CDKAL1: variants seen among roughly 807,000 people sequenced by gnomAD.
CDKAL1 encodes the protein CDKAL1 threonylcarbamoyladenosine tRNA methylthiotransferase, also known as threonylcarbamoyladenosine tRNA methylthiotransferase.
CDKAL1 carries 32 observed loss-of-function variants against 68.2 expected under a neutral mutation model. The observed-to-expected ratio is 0.47, with a 90% CI of 0.35 to 0.63. The LOEUF (loss-of-function observed/expected upper bound fraction) is 0.63. Ranked by LOEUF, CDKAL1 falls within the 30% of genes least tolerant of loss-of-function variation. The pLI, the probability that CDKAL1 is intolerant of heterozygous loss-of-function variation, is 0.00. For missense variants in CDKAL1, 606 were observed against 696.7 expected, an observed-to-expected ratio of 0.87 and a Z score of 1.47; for synonymous variants, 234 against 244.3, an observed-to-expected ratio of 0.96 and a Z score of 0.39.
At chr6:21,132,400 A>G (rs1775373970) in intron 13 of CDKAL1, among the ~76,000 whole-genome samples, 2 of 152,212 alleles carry the variant, frequency 1.3e-5, no homozygotes, top group Admixed American at 1.3e-4. Context: ...ATAAGTTAGG[A>G]AGTCAGCCCT....
At chr6:21,162,269 A>G (rs1293541389) in intron 13 of CDKAL1, among the ~76,000 whole-genome samples, 1 of 152,222 alleles carries the variant, frequency 6.6e-6, no homozygotes, top group African/African-American at 2.4e-5. Context: ...AGTTTGTAAC[A>G]TTGAACAGCC....
At chr6:20,735,492 G>A (rs1201824122) in intron 5 of CDKAL1, among the ~76,000 whole-genome samples, 1 of 152,058 alleles carries the variant, frequency 6.6e-6, no homozygotes, top group African/African-American at 2.4e-5. Flanking sequence ...TGAGGGAAAC[G>A]ACTCCTATGA....
intron 9 of CDKAL1, among the ~76,000 whole-genome samples, chr6:20,848,958 A>G (rs1308851332): frequency 6.6e-6 from 1 of 151,888 alleles, no homozygotes; most frequent in East Asian, 1.9e-4. Flanking sequence ...AAGTCTGGCT[A>G]ATTTTTAAAT....
At chr6:21,105,105 T>A (rs61645197) in intron 12 of CDKAL1, among the ~76,000 whole-genome samples, 2,280 of 152,338 alleles carry the variant, frequency 0.015, 46 homozygotes, top group African/African-American at 0.052. Flanking sequence ...TTTCTTCTGA[T>A]TGAAGTATAA....
At chr6:21,125,337 C>T (rs913592979) in intron 13 of CDKAL1, among the ~76,000 whole-genome samples, 4 of 152,110 alleles carry the variant, frequency 2.6e-5, no homozygotes, top group Non-Finnish European at 5.9e-5. Flanking sequence ...ATCATAAGTT[C>T]CCTGAGGCCT....
At chr6:20,917,137 C>T (rs577180102) in intron 9 of CDKAL1, among the ~76,000 whole-genome samples, 2 of 152,210 alleles carry the variant, frequency 1.3e-5, no homozygotes, top group Non-Finnish European at 2.9e-5. Flanking sequence ...CACATCACCA[C>T]GCCCAGCTGA....
intron 8 of CDKAL1, among the ~76,000 whole-genome samples, chr6:20,843,642 G>A (rs557003182): frequency 3.2e-4 from 49 of 152,188 alleles, no homozygotes; most frequent in African/African-American, 1.2e-3. Context: ...ACTGCATTTT[G>A]ATTGCAACCC....
At chr6:20,606,168 G>A (rs974643817) in intron 4 of CDKAL1, among the ~76,000 whole-genome samples, 5 of 152,090 alleles carry the variant, frequency 3.3e-5, no homozygotes, top group Middle Eastern at 3.4e-3. Context: ...TTTTTTGGTC[G>A]TTTCATGTGG....
At chr6:20,716,571 ATTTTG>A (rs1562048637) in intron 5 of CDKAL1, among the ~76,000 whole-genome samples, 1 of 151,548 alleles carries the variant, frequency 6.6e-6, no homozygotes, top group African/African-American at 2.4e-5. Flanking sequence ...TGCTTGTTTC[ATTTTG>A]TTTTGGTTTG....
At chr6:21,096,670 A>T (rs1364315345) in intron 12 of CDKAL1, among the ~76,000 whole-genome samples, 4 of 152,198 alleles carry the variant, frequency 2.6e-5, no homozygotes, top group Non-Finnish European at 5.9e-5. Context: ...ATTTATAGGT[A>T]TCAGGCATTA....
At chr6:20,737,468 G>A (rs180829122) in intron 5 of CDKAL1, among the ~76,000 whole-genome samples, 117 of 152,286 alleles carry the variant, frequency 7.7e-4, no homozygotes, top group African/African-American at 2.7e-3. Flanking sequence ...TAGGAAGCAG[G>A]CTTTTTGAAT....
intron 9 of CDKAL1, among the ~76,000 whole-genome samples, chr6:20,880,356 A>C (rs1478357562): frequency 6.6e-6 from 1 of 152,084 alleles, no homozygotes; most frequent in Non-Finnish European, 1.5e-5. Context: ...CCTGGGTTCA[A>C]GCTATTCCCC....
intron 5 of CDKAL1, among the ~76,000 whole-genome samples, chr6:20,694,494 C>T (rs1771027323): frequency 6.6e-6 from 1 of 152,132 alleles, no homozygotes; most frequent in South Asian, 2.1e-4. Context: ...ACTCCCACAG[C>T]TTGCATATTG....
At chr6:20,551,199 A>G (rs761245012) in intron 4 of CDKAL1, among the ~76,000 whole-genome samples, 1 of 151,914 alleles carries the variant, frequency 6.6e-6, no homozygotes, top group Non-Finnish European at 1.5e-5. Flanking sequence ...TCACATATGC[A>G]GTGAAGTCCT....
chr6:20,991,576 G>A (rs555193020), intron 10 of CDKAL1, among the ~76,000 whole-genome samples: 54 of 151,720 alleles, frequency 3.6e-4, no homozygotes, highest in African/African-American at 9.9e-4. Flanking sequence ...GCATGGTGGC[G>A]GGCGCCTGTA....
chr6:21,223,440 T>G (rs1023393637), intron 15 of CDKAL1, among the ~76,000 whole-genome samples: 3 of 152,236 alleles, frequency 2.0e-5, no homozygotes, highest in African/African-American at 7.2e-5. Flanking sequence ...TAAATACTCC[T>G]TCTACTTAGT....
At chr6:20,652,998 G>A (rs2127763613) in intron 5 of CDKAL1, among the ~76,000 whole-genome samples, 1 of 152,052 alleles carries the variant, frequency 6.6e-6, no homozygotes, top group East Asian at 1.9e-4. Flanking sequence ...TTTATCTGTT[G>A]AACTTATACT....
intron 5 of CDKAL1, among the ~76,000 whole-genome samples, chr6:20,679,773 ATTATT>A (rs1336462487): frequency 2.0e-5 from 3 of 152,152 alleles, no homozygotes; most frequent in Admixed American, 6.5e-5. Flanking sequence ...GCCTTCGTTC[ATTATT>A]TTATCTTTTA....
chr6:20,841,947 C>T (rs1367065535), intron 8 of CDKAL1, among the ~76,000 whole-genome samples: 1 of 152,196 alleles, frequency 6.6e-6, no homozygotes, highest in Non-Finnish European at 1.5e-5. Flanking sequence ...GATTTTGCAT[C>T]TTCCTTGTAG....
Sources: gnomAD v4.1 joint callset for allele counts (sites outside exome capture counted in the v4.1 genomes callset) on GRCh38, gnomAD v4.1.1 for gene constraint, MANE v1.5 for transcripts, NCBI Gene and HGNC (gene_info 2026-07-23, HGNC 2026-07-21) for gene names.